The following ADAMTS19 variants were observed in gnomAD, a reference collection of about 807,000 sequenced individuals.
ADAMTS19 encodes ADAM metallopeptidase with thrombospondin type 1 motif 19.
Under a neutral mutation model 153.3 loss-of-function variants are expected in ADAMTS19, and 93 were observed. The observed-to-expected ratio is 0.61, with a 90% CI of 0.51 to 0.72. The LOEUF (loss-of-function observed/expected upper bound fraction) is 0.72. ADAMTS19 is among the 30% of genes least tolerant of loss of function. The pLI, the probability that ADAMTS19 is intolerant of heterozygous loss-of-function variation, is 0.00. For synonymous variants in ADAMTS19, 600 were observed against 556.6 expected, an observed-to-expected ratio of 1.08 and a Z score of -1.10; for missense variants, 1,482 against 1,552.1, an observed-to-expected ratio of 0.95 and a Z score of 0.76.
chr5:129,566,866 T>G (rs1450068386), intron 7 of ADAMTS19, among the ~76,000 whole-genome samples: 1 of 152,006 alleles, frequency 6.6e-6, no homozygotes, highest in African/African-American at 2.4e-5. Flanking sequence ...GAGGATGGGG[T>G]AGACGCCATT....
At chr5:129,483,525 C>G (rs949640479) in intron 2 of ADAMTS19, among the ~76,000 whole-genome samples, 17 of 152,248 alleles carry the variant, frequency 1.1e-4, no homozygotes, top group Middle Eastern at 3.4e-3. Context: ...AGAATGTATG[C>G]AGACATTGCC....
At chr5:129,654,209 A>G in intron 13 of ADAMTS19, 97 bp from the exon 14 acceptor site, 3 of 1,187,528 alleles carry the variant, frequency 2.5e-6, no homozygotes, top group Non-Finnish European at 3.5e-6. Flanking sequence ...ATTGAATTAT[A>G]TTTTTTACTC....
rs114339833 is a variant in ADAMTS19, at chr5:129,598,488, A to G, written c.1478+1824A>G. ...ACACAAGTGATCAAATTGTAATTACACAGCTCACTGAATTAACAAAATTAA... is the reference window on the plus strand; with the variant it reads ...ACACAAGTGATCAAATTGTAATTACGCAGCTCACTGAATTAACAAAATTAA... On this transcript the variant is annotated intron_variant, in intron 8 of 22. Transcript: ENST00000274487. 4.1e-3 allele frequency among the ~76,000 whole-genome samples: 630 copies of G among 152,356 alleles called. 5 individuals carry two copies. Among genetic ancestry groups the G allele is most frequent in the African/African-American group, 0.015 (608 of 41,586 alleles).
intron 6 of ADAMTS19, among the ~76,000 whole-genome samples, chr5:129,533,931 T>C (rs540459533): frequency 5.3e-5 from 8 of 152,274 alleles, no homozygotes; most frequent in Admixed American, 4.6e-4. Flanking sequence ...AATCCTGAGT[T>C]CTAGTTTGAT....
intron 8 of ADAMTS19, among the ~76,000 whole-genome samples, chr5:129,612,885 A>G (rs1751304326): frequency 1.3e-5 from 2 of 152,182 alleles, no homozygotes; most frequent in South Asian, 2.1e-4. Flanking sequence ...AGGGGTTGCA[A>G]TCCTAGTCTC....
intron 7 of ADAMTS19, among the ~76,000 whole-genome samples, chr5:129,581,811 C>T (rs544513782): frequency 6.6e-6 from 1 of 152,198 alleles, no homozygotes; most frequent in African/African-American, 2.4e-5. Context: ...TATCTTTGTT[C>T]TCATTGGTTT....
intron 7 of ADAMTS19, among the ~76,000 whole-genome samples, chr5:129,573,891 T>A (rs1015183607): frequency 6.6e-6 from 1 of 152,102 alleles, no homozygotes; most frequent in African/African-American, 2.4e-5. Context: ...ATTATATCCT[T>A]GGGAAATTTA....
chr5:129,494,818 G>A (rs1311922821), intron 2 of ADAMTS19, among the ~76,000 whole-genome samples: 1 of 151,944 alleles, frequency 6.6e-6, no homozygotes, highest in Non-Finnish European at 1.5e-5. Context: ...TCCAAACATC[G>A]GTTCATTCTT....
chr5:129,460,729 G>A lies in ADAMTS19; in HGVS notation c.91+247G>A, dbSNP rs1172756478. ...AGAGCAATAATATTTGCAAAGGTAC[G>A]TTTACAGCACCTGGAGGAAAATTAG... is the stretch of plus-strand genomic sequence containing the variant. On this transcript the variant is annotated intron_variant, in intron 1 of 22. Coordinates refer to ENST00000274487, the MANE Select transcript of ADAMTS19 (RefSeq NM_133638.6). 1.0e-4 allele frequency: 59 copies of A among 582,522 alleles called. No individual in the cohort carries two copies. The South Asian group carries it at 1.0e-3, about 10-fold the overall frequency. 36.1% of individuals were successfully genotyped at this position (582,522 alleles called of 1,614,324 possible). A position where few individuals can be genotyped will look rare whatever the true frequency, so the allele number is the denominator to read the frequency against.
At chr5:129,536,066 C>T (rs368751181) in intron 6 of ADAMTS19, among the ~76,000 whole-genome samples, 28 of 151,990 alleles carry the variant, frequency 1.8e-4, no homozygotes, top group Admixed American at 2.0e-4. Flanking sequence ...ACAAATGGGA[C>T]CTAATTAAAC....
In ADAMTS19 at chr5:129,705,944, A is replaced by G. The variant is rs1756131402; in HGVS notation, c.3312+1553A>G. Among the ~76,000 whole-genome samples the G allele has an allele frequency of 2.0e-5, 3 of 152,346 alleles. No homozygotes were observed. In the South Asian group the frequency reaches 6.2e-4, roughly 32 times the overall value. On this transcript the variant is annotated intron_variant, in intron 21 of 22. Coordinates refer to ENST00000274487, the MANE Select transcript of ADAMTS19 (RefSeq NM_133638.6). Reference sequence around the variant, plus strand: ...GGAACAGTGTTTTCAAGCTATATGTATAACAACTTTTCCTTTTTTAATTTT... The same window carrying G: ...GGAACAGTGTTTTCAAGCTATATGTGTAACAACTTTTCCTTTTTTAATTTT...
intron 2 of ADAMTS19, among the ~76,000 whole-genome samples, chr5:129,478,356 G>C (rs1229575946): frequency 6.6e-6 from 1 of 152,020 alleles, no homozygotes; most frequent in Non-Finnish European, 1.5e-5. Context: ...AATAATGTGG[G>C]ATACTCTTAG....
intron 10 of ADAMTS19, among the ~76,000 whole-genome samples, chr5:129,625,228 G>T (rs958678055): frequency 6.6e-6 from 1 of 152,126 alleles, no homozygotes; most frequent in African/African-American, 2.4e-5. Flanking sequence ...TCTTAATCCA[G>T]TCTATCACTG....
intron 12 of ADAMTS19, 46 bp from the exon 13 acceptor site, chr5:129,648,752 T>C (rs1351410094): frequency 6.5e-7 from 1 of 1,540,580 alleles, no homozygotes; most frequent in Non-Finnish European, 8.9e-7. Context: ...ACCTAGGTAG[T>C]TAACATAAAA....
intron 13 of ADAMTS19, among the ~76,000 whole-genome samples, chr5:129,652,925 T>C (rs1753379112): frequency 6.6e-6 from 1 of 152,162 alleles, no homozygotes; most frequent in Admixed American, 6.6e-5. Flanking sequence ...CTTTGAGGTG[T>C]GAGAGCACAC....
At chr5:129,706,099 G>T (rs954127972) in intron 21 of ADAMTS19, among the ~76,000 whole-genome samples, 1 of 152,156 alleles carries the variant, frequency 6.6e-6, no homozygotes, top group Non-Finnish European at 1.5e-5. Flanking sequence ...AGTACTAGCA[G>T]CAAGAGGGCA....
intron 19 of ADAMTS19, among the ~76,000 whole-genome samples, chr5:129,699,651 C>T (rs77623068): frequency 0.04 from 6,097 of 152,072 alleles, 386 homozygotes; most frequent in African/African-American, 0.14. Flanking sequence ...AAAGAAAAGG[C>T]CAGTCCCCAT....
chr5:129,528,371 A>C, intron 5 of ADAMTS19, 149 bp from the exon 6 acceptor site: 1 of 533,256 alleles, frequency 1.9e-6, no homozygotes, highest in Non-Finnish European at 3.0e-6. Flanking sequence ...AGGGTAAATT[A>C]AACCTGCATG....
chr5:129,483,245 A>G lies in ADAMTS19; in HGVS notation c.747+21488A>G, dbSNP rs763159596. On this transcript the variant is annotated intron_variant, in intron 2 of 22. Coordinates refer to ENST00000274487, the MANE Select transcript of ADAMTS19 (RefSeq NM_133638.6). ...TTAAGAGCAAGAAGCTCTGCCTCCT[A>G]TTAGCTGTGTTACTTTGGATAAGAT... Among the ~76,000 whole-genome samples the G allele has an allele frequency of 2.6e-5, 4 of 152,236 alleles. 1 individual carries two copies. Among genetic ancestry groups the G allele is most frequent in the Admixed American group, 2.0e-4 (3 of 15,274 alleles).
Sources: allele counts gnomAD v4.1 joint callset (sites outside exome capture counted in the v4.1 genomes callset), GRCh38; gene constraint gnomAD v4.1.1; transcripts MANE v1.5; gene names NCBI Gene and HGNC (gene_info 2026-07-23, HGNC 2026-07-21).